Variants in NRG1 observed in about 807,000 individuals in gnomAD.
NRG1 encodes the protein neuregulin 1.
NRG1 carries 18 observed loss-of-function variants against 63.8 expected under a neutral mutation model. The ratio of observed to expected loss-of-function variants is 0.28; its 90% CI spans 0.19 to 0.42. The LOEUF (loss-of-function observed/expected upper bound fraction) is 0.42, where lower values mean the gene tolerates loss of function less well. NRG1 is among the 10% of genes least tolerant of loss of function. NRG1 has a pLI of 1.00. For missense variants in NRG1, 762 were observed against 814.7 expected, an observed-to-expected ratio of 0.94 and a Z score of 0.79; for synonymous variants, 302 against 301.3, an observed-to-expected ratio of 1.00 and a Z score of -0.02.
At chr8:32,307,595 G>C (rs1177848744) in intron 1 of NRG1, among the ~76,000 whole-genome samples, 2 of 60,330 alleles carry the variant, frequency 3.3e-5, no homozygotes, top group African/African-American at 7.2e-5. Context: ...GGGTTTGTGT[G>C]TGTGTGTGTG....
intron 1 of NRG1, among the ~76,000 whole-genome samples, chr8:31,894,673 C>G (rs1457655335): frequency 6.6e-6 from 1 of 151,508 alleles, no homozygotes; most frequent in African/African-American, 2.4e-5. Flanking sequence ...GCCTCAGCCT[C>G]CTGAGTAGCT....
At chr8:32,435,262 G>C (rs1342283148) in intron 1 of NRG1, among the ~76,000 whole-genome samples, 8 of 152,130 alleles carry the variant, frequency 5.3e-5, no homozygotes, top group Non-Finnish European at 1.2e-4. Flanking sequence ...TTGCCTATTG[G>C]TTAGGTGGGC....
At chr8:32,194,141 A>G (rs575246569) in intron 1 of NRG1, among the ~76,000 whole-genome samples, 1 of 152,242 alleles carries the variant, frequency 6.6e-6, no homozygotes, top group Non-Finnish European at 1.5e-5. Context: ...TCATCCCTAA[A>G]ATAGAATCCA....
intron 1 of NRG1, among the ~76,000 whole-genome samples, chr8:32,356,972 G>A (rs1806520803): frequency 6.6e-6 from 1 of 152,326 alleles, no homozygotes; most frequent in East Asian, 1.9e-4. Flanking sequence ...AAATCCTATG[G>A]ATTAAATCAA....
intron 1 of NRG1, among the ~76,000 whole-genome samples, chr8:32,499,020 A>G (rs1000221542): frequency 2.0e-5 from 3 of 152,224 alleles, no homozygotes; most frequent in Non-Finnish European, 4.4e-5. Context: ...GTTGGTGGCT[A>G]TAAAGACAAG....
At chr8:31,713,562 A>AT (rs1192524845) in intron 1 of NRG1, among the ~76,000 whole-genome samples, 1 of 151,930 alleles carries the variant, frequency 6.6e-6, no homozygotes, top group Non-Finnish European at 1.5e-5. Context: ...TCTTCACTTC[A>AT]TTTTCTCCTT....
intron 1 of NRG1, among the ~76,000 whole-genome samples, chr8:31,995,544 C>T (rs1217770532): frequency 6.6e-6 from 1 of 151,968 alleles, no homozygotes; most frequent in Non-Finnish European, 1.5e-5. Flanking sequence ...CTCTTCTTCA[C>T]TTACTTTATA....
chr8:31,714,275 T>C (rs1255836365), intron 1 of NRG1, among the ~76,000 whole-genome samples: 1 of 152,204 alleles, frequency 6.6e-6, no homozygotes, highest in East Asian at 1.9e-4. Context: ...TGATGCCTTG[T>C]TTGTACTGTA....
intron 5 of NRG1, among the ~76,000 whole-genome samples, chr8:32,713,053 T>C (rs1818204623): frequency 6.6e-6 from 1 of 152,194 alleles, no homozygotes; most frequent in African/African-American, 2.4e-5. Flanking sequence ...CCTAGCTCAG[T>C]CATCTTTTCT....
upstream of NRG1, among the ~76,000 whole-genome samples, chr8:32,544,955 C>CAA (rs34669996): frequency 0.56 from 85,422 of 151,662 alleles, 24,459 homozygotes; most frequent in East Asian, 0.81. Context: ...AACTTTGTTG[C>CAA]AGTTTTTAAA....
At chr8:31,815,446 A>C (rs962196398) in intron 1 of NRG1, among the ~76,000 whole-genome samples, 1 of 152,184 alleles carries the variant, frequency 6.6e-6, no homozygotes, top group African/African-American at 2.4e-5. Flanking sequence ...TTTAAGACTG[A>C]ATAATCATCC....
chr8:32,135,114 G>T (rs755519903), intron 1 of NRG1, among the ~76,000 whole-genome samples: 10 of 152,254 alleles, frequency 6.6e-5, no homozygotes, highest in Non-Finnish European at 1.2e-4. Context: ...ACAGACCACA[G>T]GCTGGAGAAG....
chr8:32,238,342 C>G (rs1397292172), intron 1 of NRG1, among the ~76,000 whole-genome samples: 1 of 151,692 alleles, frequency 6.6e-6, no homozygotes, highest in African/African-American at 2.4e-5. Flanking sequence ...ACCTATAGTC[C>G]CAGCTACTTG....
chr8:32,694,522 A>C (rs993350073), intron 5 of NRG1, among the ~76,000 whole-genome samples: 3 of 152,338 alleles, frequency 2.0e-5, no homozygotes, highest in African/African-American at 7.2e-5. Context: ...TCTTTTGAGC[A>C]TGACTAATAA....
At chr8:32,366,403 A>T (rs1807989430) in intron 1 of NRG1, among the ~76,000 whole-genome samples, 1 of 151,834 alleles carries the variant, frequency 6.6e-6, no homozygotes, top group Admixed American at 6.6e-5. Flanking sequence ...TACCTCCATG[A>T]CATTAACTTT....
At chr8:32,078,387 C>T (rs148384619) in intron 1 of NRG1, among the ~76,000 whole-genome samples, 1 of 152,326 alleles carries the variant, frequency 6.6e-6, no homozygotes, top group East Asian at 1.9e-4. Context: ...GATGCTGGCA[C>T]CACACTTTGT....
chr8:32,601,204 A>G (rs1013563515), intron 2 of NRG1, among the ~76,000 whole-genome samples: 1 of 152,126 alleles, frequency 6.6e-6, no homozygotes, highest in Non-Finnish European at 1.5e-5. Context: ...ATTTCTATTG[A>G]ATTGCAAAAA....
intron 1 of NRG1, among the ~76,000 whole-genome samples, chr8:32,444,986 C>T (rs1820062218): frequency 1.3e-5 from 2 of 152,106 alleles, no homozygotes; most frequent in South Asian, 2.1e-4. Flanking sequence ...AGTGGTGATT[C>T]ACAGAGAATT....
rs189348265 is a variant in NRG1, at chr8:32,761,901, T to C, written c.1259+1495T>C. On this transcript the variant is annotated intron_variant, in intron 11 of 11. Coordinates refer to ENST00000356819, the Ensembl canonical transcript of NRG1. ...TAAAAATACAAAAATTAGCTGGGTA[T>C]GGTGGTGCTGCCCTGTAGTCCCAGC... is the stretch of plus-strand genomic sequence containing the variant. Among the ~76,000 whole-genome samples the C allele has an allele frequency of 7.2e-5, 11 of 151,850 alleles. No homozygotes were observed. In the East Asian group the frequency reaches 1.9e-3, roughly 27 times the overall value.
Sources: gnomAD v4.1 joint callset for allele counts (sites outside exome capture counted in the v4.1 genomes callset) on GRCh38, gnomAD v4.1.1 for gene constraint, MANE v1.5 for transcripts, NCBI Gene and HGNC (gene_info 2026-07-23, HGNC 2026-07-21) for gene names.